The following KLHL3 variants were observed in gnomAD, a reference collection of about 807,000 sequenced individuals.
KLHL3 encodes kelch like family member 3, also known as kelch-like protein 3.
A neutral mutation model predicts 70.5 loss-of-function variants in KLHL3; 19 were observed. The observed-to-expected ratio is 0.27, with a 90% CI of 0.19 to 0.40. The LOEUF (loss-of-function observed/expected upper bound fraction) is 0.40. Ranked by LOEUF, KLHL3 falls within the 10% of genes least tolerant of loss-of-function variation. The pLI, the probability that KLHL3 is intolerant of heterozygous loss-of-function variation, is 1.00. For synonymous variants in KLHL3, 258 were observed against 290.3 expected (o/e 0.89, Z 1.13); for missense variants, 512 against 771.1 (o/e 0.66, Z 3.98).
At chr5:137,706,069 A>C (rs553788697) in intron 3 of KLHL3, 1 of 985,452 alleles carries the variant, frequency 1.0e-6, no homozygotes, top group Non-Finnish European at 1.2e-6. Context: ...ATTTATTCCA[A>C]GTTATTGTCC....
intron 3 of KLHL3, among the ~76,000 whole-genome samples, chr5:137,702,956 A>C (rs1199477791): frequency 1.3e-5 from 2 of 152,332 alleles, no homozygotes; most frequent in African/African-American, 4.8e-5. Context: ...GCCAAAGAAG[A>C]GCAAGAGGGA....
intron 3 of KLHL3, among the ~76,000 whole-genome samples, chr5:137,701,900 C>G (rs1752576907): frequency 6.6e-6 from 1 of 152,252 alleles, no homozygotes; most frequent in South Asian, 2.1e-4. Context: ...GAATGTCTGT[C>G]AACTGCATAT....
chr5:137,640,114 G>T lies in KLHL3; in HGVS notation c.904-137C>A, dbSNP rs1458068038. On this transcript the variant is annotated intron_variant, in intron 8 of 14. Coordinates refer to ENST00000309755, the MANE Select transcript of KLHL3 (RefSeq NM_017415.3). ...CAGTTTACAGAGCTACATACATGGGGATGCTGCTCCTGGTCACCAACAGGT... is the reference window on the plus strand; with the variant it reads ...CAGTTTACAGAGCTACATACATGGGTATGCTGCTCCTGGTCACCAACAGGT... 1.7e-5 allele frequency: 12 copies of T among 701,138 alleles called. No homozygotes were observed. The Admixed American group carries it at 2.2e-4, about 13-fold the overall frequency. 43.4% of individuals were successfully genotyped at this position (701,138 alleles called of 1,614,324 possible).
At chr5:137,668,870 CTT>C (rs1213353960) in intron 6 of KLHL3, among the ~76,000 whole-genome samples, 13 of 152,148 alleles carry the variant, frequency 8.5e-5, no homozygotes, top group Non-Finnish European at 1.0e-4. Flanking sequence ...TGAATCAGGG[CTT>C]TTAGAATGTT....
At chr5:137,667,426 T>C (rs1362986631) in intron 6 of KLHL3, among the ~76,000 whole-genome samples, 2 of 152,244 alleles carry the variant, frequency 1.3e-5, no homozygotes, top group Non-Finnish European at 2.9e-5. Flanking sequence ...CACTGATTAA[T>C]GTCCTAGAAC....
At chr5:137,657,917 T>C (rs971459181) in intron 8 of KLHL3, among the ~76,000 whole-genome samples, 3 of 152,158 alleles carry the variant, frequency 2.0e-5, no homozygotes, top group Admixed American at 6.5e-5. Flanking sequence ...CCTGATGACA[T>C]TGGAGGTTAC....
chr5:137,735,913 T>C lies in KLHL3; in HGVS notation c.-267A>G. On this transcript the variant is annotated 5_prime_UTR_variant, in exon 1 of 15. Transcript: ENST00000309755. Reference sequence around the variant, plus strand: ...CAGCTGCTAAAAGCAGCAACCCACTTGCTCCCCCTCCCCCGCAGGCTTGCT... The same window carrying C: ...CAGCTGCTAAAAGCAGCAACCCACTCGCTCCCCCTCCCCCGCAGGCTTGCT... 3.8e-6 allele frequency: 2 copies of C among 530,784 alleles called. No homozygotes were observed. The highest frequency in any genetic ancestry group is 6.9e-6 in the Non-Finnish European group (2 of 290,610). 32.9% of individuals were successfully genotyped at this position (530,784 alleles called of 1,614,324 possible). A position where few individuals can be genotyped will look rare whatever the true frequency, so the allele number is the denominator to read the frequency against.
At chr5:137,724,951 T>G in intron 1 of KLHL3, 1 of 644,014 alleles carries the variant, frequency 1.6e-6, no homozygotes, top group Non-Finnish European at 1.9e-6. Context: ...AGTGCATGCA[T>G]GTACATAAAT....
chr5:137,659,018 C>G (rs1287730463), intron 7 of KLHL3, among the ~76,000 whole-genome samples: 1 of 152,126 alleles, frequency 6.6e-6, no homozygotes, highest in Non-Finnish European at 1.5e-5. Flanking sequence ...ATGAGCAAGA[C>G]CAAGCATGAA....
Position 137,735,698 on chromosome 5 carries a change from G to A in KLHL3, c.-52C>T. 2.5e-6 allele frequency: 4 copies of A among 1,613,838 alleles called. No individual in the cohort carries two copies. The highest frequency in any genetic ancestry group is 3.4e-6 in the Non-Finnish European group (4 of 1,179,726). On this transcript the variant is annotated 5_prime_UTR_variant, in exon 1 of 15. Transcript: ENST00000309755. ...CTGCTGAACTGTGTATGCACTCGGG[G>A]ATCCTAGTTCTGTTCTTGATTCTCC... is the stretch of plus-strand genomic sequence containing the variant.
Position 137,735,930 on chromosome 5 carries a change from A to G in KLHL3, c.-284T>C. ...AACCCACTTGCTCCCCCTCCCCCGC[A>G]GGCTTGCTGCTCCTTGGTCTCCTAG... On this transcript the variant is annotated 5_prime_UTR_variant, in exon 1 of 15. Coordinates refer to ENST00000309755, the MANE Select transcript of KLHL3 (RefSeq NM_017415.3). 1 of 512,064 alleles carries G rather than the reference A, an allele frequency of 2.0e-6. No individual in the cohort carries two copies. Among genetic ancestry groups the G allele is most frequent in the Non-Finnish European group, 3.6e-6 (1 of 279,776 alleles). The allele number at this position is 512,064 out of a possible 1,614,324, so 31.7% of individuals were successfully genotyped here.
At position 137,687,945 on chromosome 5, in the gene KLHL3, G is replaced by T. The variant is rs1364581802; in HGVS notation, c.526+4340C>A. On this transcript the variant is annotated intron_variant, in intron 5 of 14. Coordinates refer to ENST00000309755, the MANE Select transcript of KLHL3 (RefSeq NM_017415.3). ...TTAAGGGCGGTGCAAGATGTGCTTT[G>T]TTAAACAGATGCTTGAAGGCAGCAT... Among the ~76,000 whole-genome samples the T allele has an allele frequency of 1.8e-3, 66 of 36,990 alleles. 25 individuals carry two copies. Among genetic ancestry groups the T allele is most frequent in the Non-Finnish European group, 2.9e-3 (60 of 20,688 alleles). 24.3% of individuals were successfully genotyped at this position (36,990 alleles called of 152,430 possible). A position where few individuals can be genotyped will look rare whatever the true frequency, so the allele number is the denominator to read the frequency against.
chr5:137,622,120 G>A lies in KLHL3; in HGVS notation c.1742C>T (p.Ala581Val), dbSNP rs1026295123. 6 of 1,614,090 alleles carry A rather than the reference G, an allele frequency of 3.7e-6. No homozygotes were observed. Among genetic ancestry groups the A allele is most frequent in the African/African-American group, 2.7e-5 (2 of 74,918 alleles). Residue 581 changes from alanine to valine, a missense_variant, in exon 15 of 15, where the codon GCC becomes GTC. Ala to Val is a moderately conservative substitution (Grantham distance 64, BLOSUM62 0). Coordinates refer to ENST00000309755, the MANE Select transcript of KLHL3 (RefSeq NM_017415.3). ...GGGTCACAAGGACTTGTGAATCACG[G>A]CAACACCTAATAAGAAAGGGGGAGA... The part of the protein sequence containing the change: ...MSTGRSYAGV[A>V]VIHKSL
chr5:137,723,913 A>G (rs2149936831), intron 1 of KLHL3, among the ~76,000 whole-genome samples: 1 of 152,324 alleles, frequency 6.6e-6, no homozygotes, highest in Non-Finnish European at 1.5e-5. Context: ...AAGAGTTTTT[A>G]AGTCATAAAG....
In KLHL3 at chr5:137,720,451, G is replaced by T; in HGVS notation, c.134+14C>A. The T allele has an allele frequency of 6.2e-7, 1 of 1,614,092 alleles. No homozygotes were observed. Among genetic ancestry groups the T allele is most frequent in the South Asian group, 1.1e-5 (1 of 91,088 alleles). On this transcript the variant is annotated intron_variant, in intron 2 of 14. Transcript: ENST00000309755. ...GTTCCTTCTGCAAGGGCACGGACAA[G>T]ATAGAAAAAGTACCTCCGCAGTTCA...
At chr5:137,716,575 G>T (rs1229848164) in intron 2 of KLHL3, among the ~76,000 whole-genome samples, 2 of 152,070 alleles carry the variant, frequency 1.3e-5, no homozygotes, top group Non-Finnish European at 2.9e-5. Context: ...TATAGAAGGA[G>T]CCATGAATAT....
At position 137,625,861 on chromosome 5, in the gene KLHL3, C is replaced by T. The variant is rs1750447664; in HGVS notation, c.1627G>A (p.Gly543Arg). 1.2e-6 allele frequency: 2 copies of T among 1,614,088 alleles called. No individual in the cohort carries two copies. The highest frequency in any genetic ancestry group is 1.7e-5 in the Admixed American group (1 of 60,016). ...AAGTTGCAGGATCCATCATCCCCTC[C>T]AACCACATACAGGAGCCCATTTACT... ...CAVNGLLYVV[G>R]GDDGSCNLAS... Residue 543 changes from glycine to arginine, a missense_variant, in exon 14 of 15, where the codon GGA becomes AGA. Transcript: ENST00000309755.
At chr5:137,641,476 C>T (rs1338979309) in intron 8 of KLHL3, among the ~76,000 whole-genome samples, 1 of 152,122 alleles carries the variant, frequency 6.6e-6, no homozygotes, top group Non-Finnish European at 1.5e-5. Context: ...TTAATCCATG[C>T]TCTGTATGGA....
chr5:137,662,268 C>A (rs967059456), intron 6 of KLHL3, among the ~76,000 whole-genome samples: 1 of 151,436 alleles, frequency 6.6e-6, no homozygotes, highest in African/African-American at 2.4e-5. Context: ...CACACACACA[C>A]ACACACACAC....
Sources: allele counts gnomAD v4.1 joint callset (sites outside exome capture counted in the v4.1 genomes callset), GRCh38; gene constraint gnomAD v4.1.1; transcripts MANE v1.5; gene names NCBI Gene and HGNC (gene_info 2026-07-23, HGNC 2026-07-21).